SPTLC3: variants seen among roughly 807,000 people sequenced by gnomAD.
SPTLC3 encodes serine palmitoyltransferase long chain base subunit 3.
In SPTLC3, 36 loss-of-function variants were observed where a neutral mutation model predicts 59.3. The observed-to-expected ratio is 0.61, with a 90% CI of 0.47 to 0.80. The LOEUF (loss-of-function observed/expected upper bound fraction) is 0.80, where lower values mean the gene tolerates loss of function less well. Among genes scored for constraint, SPTLC3 ranks in the 30% least tolerant of loss-of-function variants. The pLI is 0.00. For synonymous variants in SPTLC3, 257 were observed against 240.8 expected (o/e 1.07, Z -0.62); for missense variants, 625 against 685.1 (o/e 0.91, Z 0.98).
intron 1 of SPTLC3, among the ~76,000 whole-genome samples, chr20:13,024,394 TCTAC>T (rs1046139081): frequency 2.0e-4 from 30 of 152,216 alleles, no homozygotes; most frequent in African/African-American, 7.2e-4. Flanking sequence ...TTACTACTTG[TCTAC>T]CTATCTATCT....
intron 2 of SPTLC3, among the ~76,000 whole-genome samples, chr20:13,060,587 T>C (rs1193781145): frequency 6.6e-6 from 1 of 152,086 alleles, no homozygotes; most frequent in Non-Finnish European, 1.5e-5. Context: ...TAATTTCTCA[T>C]TCCCCTACCT....
intron 4 of SPTLC3, among the ~76,000 whole-genome samples, chr20:13,087,006 G>A (rs1400998641): frequency 6.6e-6 from 1 of 152,098 alleles, no homozygotes. Context: ...GTATTGGCCA[G>A]GCTGGTCTCA....
chr20:13,081,159 G>A (rs931577982), intron 4 of SPTLC3, among the ~76,000 whole-genome samples: 6 of 152,252 alleles, frequency 3.9e-5, no homozygotes, highest in South Asian at 4.2e-4. Context: ...GCTCCCTCCC[G>A]CCTTTGCCAC....
At chr20:13,085,306 T>C (rs2122607417) in intron 4 of SPTLC3, among the ~76,000 whole-genome samples, 1 of 152,196 alleles carries the variant, frequency 6.6e-6, no homozygotes, top group South Asian at 2.1e-4. Flanking sequence ...TGGATGGAAG[T>C]GGATCAAAGA....
At chr20:13,018,625 T>G (rs1015370551) in intron 1 of SPTLC3, among the ~76,000 whole-genome samples, 2 of 152,246 alleles carry the variant, frequency 1.3e-5, no homozygotes, top group Non-Finnish European at 2.9e-5. Flanking sequence ...ATTGGCTTAA[T>G]TAACATATTT....
chr20:13,104,442 C>T (rs6041862), intron 6 of SPTLC3, among the ~76,000 whole-genome samples: 58,064 of 152,010 alleles, frequency 0.38, 13,785 homozygotes, highest in African/African-American at 0.69. Flanking sequence ...TCTGCCATCA[C>T]GTAAGATGTG....
At chr20:13,106,585 G>A (rs1459023121) in intron 6 of SPTLC3, among the ~76,000 whole-genome samples, 3 of 152,178 alleles carry the variant, frequency 2.0e-5, no homozygotes, top group African/African-American at 7.2e-5. Context: ...AGAAAGACAG[G>A]CAGAGGCTAT....
intron 9 of SPTLC3, among the ~76,000 whole-genome samples, chr20:13,136,711 A>G (rs554256516): frequency 6.8e-6 from 1 of 147,518 alleles, no homozygotes; most frequent in East Asian, 2.0e-4. Context: ...ATATATATTT[A>G]TATATAATAT....
intron 9 of SPTLC3, among the ~76,000 whole-genome samples, chr20:13,135,101 A>G (rs2038212855): frequency 6.6e-6 from 1 of 152,240 alleles, no homozygotes; most frequent in African/African-American, 2.4e-5. Flanking sequence ...TTGATAGTAG[A>G]CATCTGACAG....
chr20:13,143,626 T>A (rs2038437870), intron 9 of SPTLC3, among the ~76,000 whole-genome samples: 3 of 152,166 alleles, frequency 2.0e-5, no homozygotes, highest in Admixed American at 2.0e-4. Context: ...GGCTTCCCCA[T>A]CAATTTTTCC....
At chr20:13,136,759 G>C (rs1351336432) in intron 9 of SPTLC3, among the ~76,000 whole-genome samples, 2 of 147,916 alleles carry the variant, frequency 1.4e-5, no homozygotes, top group Non-Finnish European at 3.0e-5. Flanking sequence ...TAGGGAGAGA[G>C]GAATTTGGCA....
chr20:13,158,237 T>G (rs898074835), intron 10 of SPTLC3, among the ~76,000 whole-genome samples: 1 of 152,246 alleles, frequency 6.6e-6, no homozygotes, highest in Non-Finnish European at 1.5e-5. Context: ...TTTTAGCCTA[T>G]TGCCAATTGC....
In SPTLC3 at chr20:13,067,370, G is replaced by A. The variant is rs958658485; in HGVS notation, c.304-4886G>A. ...TATAGCTCTTCACTCTCAACTTGAAGCTGGCTTTATTAGCTTACATCCATG... is the reference window on the plus strand; with the variant it reads ...TATAGCTCTTCACTCTCAACTTGAAACTGGCTTTATTAGCTTACATCCATG... On this transcript the variant is annotated intron_variant, in intron 2 of 11. Transcript: ENST00000399002. Among the ~76,000 whole-genome samples, 95 of 152,150 alleles carry A rather than the reference G, an allele frequency of 6.2e-4. 1 individual carries two copies. The highest frequency in any genetic ancestry group is 2.1e-3 in the African/African-American group (87 of 41,526).
At chr20:13,110,293 C>A in intron 7 of SPTLC3, 76 bp downstream of exon 7, 1 of 1,206,914 alleles carries the variant, frequency 8.3e-7, no homozygotes, top group South Asian at 1.4e-5. Flanking sequence ...GCTCACCTTT[C>A]CTAGCTAAAC....
chr20:13,163,587 A>C (rs1375784359), intron 11 of SPTLC3, among the ~76,000 whole-genome samples: 9 of 152,116 alleles, frequency 5.9e-5, no homozygotes, highest in Admixed American at 5.9e-4. Flanking sequence ...GATTTGATGT[A>C]GGAAATTTAG....
chr20:13,095,846 T>C (rs1989393268), intron 6 of SPTLC3, among the ~76,000 whole-genome samples: 1 of 152,168 alleles, frequency 6.6e-6, no homozygotes, highest in Non-Finnish European at 1.5e-5. Flanking sequence ...TGATCGAAAG[T>C]TGGCAGAGAA....
At chr20:13,142,471 T>C (rs968871480) in intron 9 of SPTLC3, among the ~76,000 whole-genome samples, 2 of 152,200 alleles carry the variant, frequency 1.3e-5, no homozygotes, top group Admixed American at 1.3e-4. Context: ...CACTGGCCTT[T>C]GTTTTTCCTT....
At chr20:13,117,386 C>A in intron 7 of SPTLC3, 120 bp from the exon 8 acceptor site, 2 of 972,192 alleles carry the variant, frequency 2.1e-6, no homozygotes, top group South Asian at 2.5e-5. Flanking sequence ...TAAAACATGC[C>A]TTCAGAACAA....
intron 1 of SPTLC3, among the ~76,000 whole-genome samples, chr20:13,010,517 C>A (rs1445642528): frequency 6.6e-6 from 1 of 152,156 alleles, no homozygotes; most frequent in Non-Finnish European, 1.5e-5. Context: ...CCCCTCTTAA[C>A]AAAAGGCACT....
Sources: gnomAD v4.1 joint callset for allele counts (sites outside exome capture counted in the v4.1 genomes callset) on GRCh38, gnomAD v4.1.1 for gene constraint, MANE v1.5 for transcripts, NCBI Gene and HGNC (gene_info 2026-07-23, HGNC 2026-07-21) for gene names.